Variants in LINGO2 observed in about 807,000 individuals in gnomAD.
LINGO2 encodes leucine rich repeat and Ig domain containing 2.
A neutral mutation model predicts 30.6 loss-of-function variants in LINGO2; 14 were observed. That is an observed-to-expected ratio of 0.46 (90% CI 0.30 to 0.72). The LOEUF (loss-of-function observed/expected upper bound fraction) is 0.72. Among genes scored for constraint, LINGO2 ranks in the 30% least tolerant of loss-of-function variants. The pLI, the probability that LINGO2 is intolerant of heterozygous loss-of-function variation, is 0.07. For synonymous variants in LINGO2, 317 were observed against 288.5 expected (o/e 1.10, Z -1.00); for missense variants, 729 against 751.7 (o/e 0.97, Z 0.35).
intron 4 of LINGO2, among the ~76,000 whole-genome samples, chr9:28,057,822 C>T (rs1244076866): frequency 2.6e-5 from 4 of 151,968 alleles, no homozygotes; most frequent in Admixed American, 1.3e-4. Flanking sequence ...GGCTACCCTT[C>T]ACCTACTTCT....
chr9:28,990,041 G>A, the LINGO2 span, among the ~76,000 whole-genome samples: 42 of 152,322 alleles, frequency 2.8e-4, no homozygotes, highest in Admixed American at 6.5e-4. Flanking sequence ...GACAGTGGGC[G>A]CAGGACAGTG....
chr9:28,776,105 T>C, the LINGO2 span, among the ~76,000 whole-genome samples: 3 of 152,102 alleles, frequency 2.0e-5, no homozygotes, highest in African/African-American at 7.2e-5. Flanking sequence ...AAAAAGTCAG[T>C]TTATGGAATA....
At chr9:28,496,565 A>G (rs1365598056) in intron 1 of LINGO2, among the ~76,000 whole-genome samples, 3 of 151,618 alleles carry the variant, frequency 2.0e-5, no homozygotes, top group East Asian at 1.9e-4. Flanking sequence ...TGCATGTGAG[A>G]TGGGTCTCCT....
At chr9:27,971,981 T>A (rs1303432818) in intron 5 of LINGO2, among the ~76,000 whole-genome samples, 1 of 152,214 alleles carries the variant, frequency 6.6e-6, no homozygotes, top group Non-Finnish European at 1.5e-5. Context: ...ACTATCCTTA[T>A]AAGATTGAAA....
chr9:28,387,713 T>A (rs1482512523), intron 2 of LINGO2, among the ~76,000 whole-genome samples: 1 of 152,108 alleles, frequency 6.6e-6, no homozygotes, highest in Non-Finnish European at 1.5e-5. Context: ...GTTTGCAGCT[T>A]CACTCCTGAA....
the LINGO2 span, among the ~76,000 whole-genome samples, chr9:28,821,123 A>G: frequency 6.6e-6 from 1 of 152,160 alleles, no homozygotes; most frequent in African/African-American, 2.4e-5. Flanking sequence ...TGGGAAAAAT[A>G]AATAAGTTCC....
chr9:28,780,776 G>T, the LINGO2 span, among the ~76,000 whole-genome samples: 3 of 151,606 alleles, frequency 2.0e-5, no homozygotes, highest in African/African-American at 7.3e-5. Flanking sequence ...CACAAACATA[G>T]TCAAGAGCGC....
chr9:28,390,215 T>C (rs1022569632), intron 2 of LINGO2, among the ~76,000 whole-genome samples: 2 of 152,186 alleles, frequency 1.3e-5, no homozygotes, highest in Non-Finnish European at 2.9e-5. Context: ...CTACCACACA[T>C]TGTGAGAAAA....
chr9:28,697,046 T>C, the LINGO2 span, among the ~76,000 whole-genome samples: 1 of 151,944 alleles, frequency 6.6e-6, no homozygotes, highest in Non-Finnish European at 1.5e-5. Flanking sequence ...ATACTTACTC[T>C]TCTGGCATGT....
At chr9:28,283,613 G>T (rs921608893) in intron 4 of LINGO2, among the ~76,000 whole-genome samples, 2 of 152,056 alleles carry the variant, frequency 1.3e-5, no homozygotes, top group Non-Finnish European at 1.5e-5. Context: ...TCAAAAAGAG[G>T]ATACTTTGGG....
intron 3 of LINGO2, among the ~76,000 whole-genome samples, chr9:28,326,913 G>A (rs375666088): frequency 1.3e-4 from 20 of 152,106 alleles, no homozygotes; most frequent in Non-Finnish European, 2.6e-4. Flanking sequence ...AATGGCTAAG[G>A]GCCTCATTCA....
chr9:28,593,726 C>A (rs1825038688), intron 1 of LINGO2, among the ~76,000 whole-genome samples: 1 of 151,736 alleles, frequency 6.6e-6, no homozygotes, highest in Non-Finnish European at 1.5e-5. Flanking sequence ...GATTTGAAAC[C>A]AATTCTCTCT....
chr9:28,167,014 T>C (rs536800614), intron 4 of LINGO2, among the ~76,000 whole-genome samples: 47 of 152,246 alleles, frequency 3.1e-4, no homozygotes, highest in Admixed American at 5.2e-4. Context: ...TTTTTAAGCA[T>C]ACTAGTTCCT....
At chr9:28,011,391 G>A (rs996662594) in intron 5 of LINGO2, among the ~76,000 whole-genome samples, 2 of 152,216 alleles carry the variant, frequency 1.3e-5, no homozygotes, top group African/African-American at 4.8e-5. Context: ...GAAATAGCAA[G>A]AATAGAGAGT....
the LINGO2 span, among the ~76,000 whole-genome samples, chr9:28,815,405 G>A: frequency 6.6e-6 from 1 of 152,148 alleles, no homozygotes; most frequent in Non-Finnish European, 1.5e-5. Flanking sequence ...CAAAGGAGAT[G>A]GGATTTAGAG....
chr9:28,648,294 A>C (rs1054801924), intron 1 of LINGO2, among the ~76,000 whole-genome samples: 4 of 152,140 alleles, frequency 2.6e-5, no homozygotes. Context: ...GAGAGCATAG[A>C]CTATCCCAGA....
chr9:27,971,785 G>T (rs999326896), intron 5 of LINGO2, among the ~76,000 whole-genome samples: 14 of 152,184 alleles, frequency 9.2e-5, no homozygotes, highest in African/African-American at 3.4e-4. Context: ...TTTGGGGACA[G>T]ATTTCAATGG....
chr9:29,138,637 T>G, the LINGO2 span, among the ~76,000 whole-genome samples: 1 of 152,148 alleles, frequency 6.6e-6, no homozygotes, highest in Non-Finnish European at 1.5e-5. Flanking sequence ...ATTTGTATGA[T>G]GCTTTAAAAT....
At chr9:27,979,516 A>G (rs1820755942) in intron 5 of LINGO2, among the ~76,000 whole-genome samples, 1 of 151,976 alleles carries the variant, frequency 6.6e-6, no homozygotes, top group African/African-American at 2.4e-5. Flanking sequence ...GCATAAATAT[A>G]TATACACATT....
Sources: allele counts gnomAD v4.1 joint callset (sites outside exome capture counted in the v4.1 genomes callset), GRCh38; gene constraint gnomAD v4.1.1; transcripts MANE v1.5; gene names NCBI Gene and HGNC (gene_info 2026-07-23, HGNC 2026-07-21).